Variants in MEGF10 observed in about 807,000 individuals in gnomAD.
The protein encoded by MEGF10 is multiple epidermal growth factor-like domains protein 10.
In MEGF10, 86 loss-of-function variants were observed where a neutral mutation model predicts 147.5. The observed-to-expected ratio is 0.58, with a 90% CI of 0.49 to 0.70. The LOEUF (loss-of-function observed/expected upper bound fraction) is 0.70. Ranked by LOEUF, MEGF10 falls within the 30% of genes least tolerant of loss-of-function variation. The pLI is 0.00. For missense variants in MEGF10, 1,329 were observed against 1,487.3 expected (o/e 0.89, Z 1.75); for synonymous variants, 478 against 525.5 (o/e 0.91, Z 1.24).
chr5:127,432,438 T>C (rs914832305), intron 13 of MEGF10, among the ~76,000 whole-genome samples: 1 of 152,208 alleles, frequency 6.6e-6, no homozygotes, highest in Admixed American at 6.5e-5. Flanking sequence ...TCTGCGTGCT[T>C]GCTCTTAATG....
At chr5:127,259,762 G>A in the MEGF10 span, among the ~76,000 whole-genome samples, 11 of 152,132 alleles carry the variant, frequency 7.2e-5, no homozygotes, top group African/African-American at 1.9e-4. Flanking sequence ...AGAGACTGCC[G>A]TGTCATGGTA....
chr5:127,434,154 A>G (rs565413827), intron 14 of MEGF10, among the ~76,000 whole-genome samples: 1 of 152,346 alleles, frequency 6.6e-6, no homozygotes, highest in Non-Finnish European at 1.5e-5. Flanking sequence ...AAATCTGAAT[A>G]GTATCTTGGC....
chr5:127,265,733 T>G, the MEGF10 span, among the ~76,000 whole-genome samples: 2 of 152,254 alleles, frequency 1.3e-5, no homozygotes, highest in South Asian at 4.1e-4. Context: ...GAGAAGTGTC[T>G]GTTCATATCC....
chr5:127,438,354 GGA>G, intron 16 of MEGF10, 83 bp from the exon 17 acceptor site: 1 of 1,430,670 alleles, frequency 7.0e-7, no homozygotes, highest in East Asian at 2.3e-5. Context: ...TCACATGCAG[GGA>G]GATGTGTAGA....
intron 14 of MEGF10, 132 bp downstream of exon 14, chr5:127,433,641 G>T (rs1236896023): frequency 9.1e-7 from 1 of 1,100,426 alleles, no homozygotes; most frequent in African/African-American, 1.6e-5. Context: ...GAGTGTAATG[G>T]TTCACTTGTC....
chr5:127,294,825 AT>A (rs1300295899), intron 1 of MEGF10, among the ~76,000 whole-genome samples: 4 of 145,812 alleles, frequency 2.7e-5, no homozygotes, highest in Non-Finnish European at 4.5e-5. Context: ...AATAATAATA[AT>A]AATAATAATA....
chr5:127,261,255 C>G, the MEGF10 span, among the ~76,000 whole-genome samples: 2 of 152,162 alleles, frequency 1.3e-5, no homozygotes, highest in African/African-American at 4.8e-5. Flanking sequence ...CAATCCAAAT[C>G]CCCTTATACC....
In MEGF10 at chr5:127,307,778, T is replaced by TA. The variant is rs145726992; in HGVS notation, c.-19+16729dup. ...TTCTTTTATTTTGAACTTACAAATTTAAAAAAAGGAAATTGTTGGCTTTAA... is the reference window on the plus strand; with the variant it reads ...TTCTTTTATTTTGAACTTACAAATTTAAAAAAAAGGAAATTGTTGGCTTTAA... On this transcript the variant is annotated intron_variant, in intron 1 of 24. Coordinates refer to ENST00000503335, the MANE Select transcript of MEGF10 (RefSeq NM_001256545.2). 5.4e-3 allele frequency among the ~76,000 whole-genome samples: 825 copies of TA among 152,254 alleles called. 7 individuals are homozygous for TA. Among genetic ancestry groups the TA allele is most frequent in the African/African-American group, 0.019 (784 of 41,544 alleles).
At chr5:127,424,614 T>C in intron 13 of MEGF10, 1 of 1,278,502 alleles carries the variant, frequency 7.8e-7, no homozygotes, top group Non-Finnish European at 9.9e-7. Flanking sequence ...ATGTGCTTGA[T>C]TTCTAGTGTC....
At chr5:127,398,598 G>C (rs1764012184) in intron 6 of MEGF10, 78 bp from the exon 7 acceptor site, 1 of 1,544,866 alleles carries the variant, frequency 6.5e-7, no homozygotes, top group Non-Finnish European at 8.9e-7. Context: ...GTCTATTTTG[G>C]GGACCCTGGG....
intron 1 of MEGF10, among the ~76,000 whole-genome samples, chr5:127,315,022 A>T (rs1760463169): frequency 6.6e-6 from 1 of 152,156 alleles, no homozygotes; most frequent in African/African-American, 2.4e-5. Context: ...CTTAAAAAAA[A>T]GGAGCTGAGG....
At chr5:127,247,291 T>G in the MEGF10 span, among the ~76,000 whole-genome samples, 7 of 84,126 alleles carry the variant, frequency 8.3e-5, no homozygotes, top group Non-Finnish European at 9.4e-5. Flanking sequence ...GGTTGGGGGG[T>G]GGGGGAGAGA....
intron 13 of MEGF10, 136 bp downstream of exon 13, chr5:127,422,908 C>G (rs1379248052): frequency 6.0e-6 from 4 of 666,138 alleles, no homozygotes; most frequent in Non-Finnish European, 1.1e-5. Flanking sequence ...TTCCAGTAAA[C>G]TGAAACCTTT....
chr5:127,249,696 C>A, the MEGF10 span, among the ~76,000 whole-genome samples: 1 of 152,020 alleles, frequency 6.6e-6, no homozygotes, highest in Non-Finnish European at 1.5e-5. Flanking sequence ...AAAGGAAAGA[C>A]ATAAAAAATT....
At chr5:127,412,701 CA>C (rs1764620200) in intron 9 of MEGF10, among the ~76,000 whole-genome samples, 1 of 151,094 alleles carries the variant, frequency 6.6e-6, no homozygotes, top group African/African-American at 2.4e-5. Context: ...AACAAACAAA[CA>C]AAAAAACTAC....
intron 13 of MEGF10, among the ~76,000 whole-genome samples, chr5:127,427,114 C>T (rs959300424): frequency 2.0e-5 from 3 of 152,212 alleles, no homozygotes; most frequent in African/African-American, 7.2e-5. Flanking sequence ...CCAACTTAGC[C>T]CCTTGGGCAG....
intron 23 of MEGF10, 71 bp from the exon 24 acceptor site, chr5:127,455,330 G>A: frequency 7.6e-7 from 1 of 1,309,434 alleles, no homozygotes; most frequent in Non-Finnish European, 1.1e-6. Flanking sequence ...AAGAAAAACA[G>A]TAAAATATCA....
chr5:127,442,945 C>G lies in MEGF10; in HGVS notation c.2363-53C>G, dbSNP rs1465890973. On this transcript the variant is annotated intron_variant, in intron 18 of 24. Transcript: ENST00000503335. ...GTGCAGGGCTTGCAGTCAGAGACAG[C>G]CTTGCTCCAAATTCCCAAGGTTGGA... 1.9e-6 allele frequency: 3 copies of G among 1,573,164 alleles called. No individual in the cohort carries two copies. In the South Asian group the frequency reaches 3.6e-5, roughly 19 times the overall value.
chr5:127,366,623 T>C lies in MEGF10; in HGVS notation c.320-3287T>C, dbSNP rs186670072. Among the ~76,000 whole-genome samples, 350 of 152,360 alleles carry C rather than the reference T, an allele frequency of 2.3e-3. 2 individuals carry two copies. Among genetic ancestry groups the C allele is most frequent in the Middle Eastern group, 0.01 (3 of 294 alleles). ...GTTTTCTGCTAATGACGCATCCACA[T>C]TTTGTTTCAGACTTTGGCCAAATGT... is the stretch of plus-strand genomic sequence containing the variant. On this transcript the variant is annotated intron_variant, in intron 4 of 24. Transcript: ENST00000503335.
Sources: allele counts gnomAD v4.1 joint callset (sites outside exome capture counted in the v4.1 genomes callset), GRCh38; gene constraint gnomAD v4.1.1; transcripts MANE v1.5; gene names NCBI Gene and HGNC (gene_info 2026-07-23, HGNC 2026-07-21).